Variants in GPR141 observed in about 807,000 individuals in gnomAD.
GPR141 encodes probable G protein-coupled receptor 141.
In GPR141, 6 loss-of-function variants were observed where a neutral mutation model predicts 6.8. That is an observed-to-expected ratio of 0.88 (90% CI 0.48 to 1.74). The LOEUF is 1.74. Among genes scored for constraint, GPR141 ranks in the 40% most tolerant of loss-of-function variants. The pLI is 0.01. For synonymous variants in GPR141, 140 were observed against 142.3 expected (o/e 0.98, Z 0.11); for missense variants, 372 against 372.9 (o/e 1.00, Z 0.02).
intron 2 of GPR141, among the ~76,000 whole-genome samples, chr7:37,718,281 A>G (rs1276897619): frequency 2.0e-5 from 3 of 152,146 alleles, no homozygotes; most frequent in East Asian, 3.9e-4. Context: ...GGCTGATGTG[A>G]GAGGATCACT....
At chr7:37,711,556 T>C (rs1050733713) in intron 2 of GPR141, among the ~76,000 whole-genome samples, 1 of 152,172 alleles carries the variant, frequency 6.6e-6, no homozygotes, top group Non-Finnish European at 1.5e-5. Context: ...TCATCATAGG[T>C]TCATTCCTTT....
chr7:37,706,768 C>A (rs1810542228), intron 2 of GPR141, among the ~76,000 whole-genome samples: 1 of 152,148 alleles, frequency 6.6e-6, no homozygotes, highest in African/African-American at 2.4e-5. Context: ...ATATCATTGC[C>A]TCTCTATATG....
At chr7:37,725,388 C>A (rs570648599) in intron 2 of GPR141, among the ~76,000 whole-genome samples, 8 of 152,136 alleles carry the variant, frequency 5.3e-5, no homozygotes, top group Non-Finnish European at 1.0e-4. Context: ...ATCAGAGGGA[C>A]CAGGCCTGCG....
intron 2 of GPR141, among the ~76,000 whole-genome samples, chr7:37,712,564 C>T (rs1810854256): frequency 6.6e-6 from 1 of 152,080 alleles, no homozygotes; most frequent in Non-Finnish European, 1.5e-5. Context: ...TCAAGAACAC[C>T]AGGTCATGAA....
intron 2 of GPR141, among the ~76,000 whole-genome samples, chr7:37,691,287 C>A (rs931509503): frequency 3.2e-5 from 3 of 93,670 alleles, no homozygotes; most frequent in South Asian, 4.1e-4. Context: ...CAGTCTATAT[C>A]CTTTTTTTTT....
At chr7:37,719,693 G>T (rs184253111) in intron 2 of GPR141, among the ~76,000 whole-genome samples, 1 of 152,332 alleles carries the variant, frequency 6.6e-6, no homozygotes, top group East Asian at 1.9e-4. Context: ...TTCATAGGCA[G>T]CTGAGCAGAA....
intron 2 of GPR141, among the ~76,000 whole-genome samples, chr7:37,703,096 A>T (rs2131763166): frequency 6.6e-6 from 1 of 152,218 alleles, no homozygotes; most frequent in South Asian, 2.1e-4. Flanking sequence ...TTTCATTTGT[A>T]TAAAAGGTCT....
At chr7:37,695,149 C>CCT (rs1809957922) in intron 2 of GPR141, among the ~76,000 whole-genome samples, 1 of 152,226 alleles carries the variant, frequency 6.6e-6, no homozygotes, top group African/African-American at 2.4e-5. Context: ...TCCACTGCTG[C>CCT]TTGGTCTCCA....
intron 2 of GPR141, among the ~76,000 whole-genome samples, chr7:37,720,275 C>T (rs948592792): frequency 1.1e-4 from 16 of 152,036 alleles, no homozygotes; most frequent in South Asian, 2.1e-4. Flanking sequence ...GGGCACAGGG[C>T]GGCAGGCACT....
intron 2 of GPR141, among the ~76,000 whole-genome samples, chr7:37,688,144 A>G (rs1182435245): frequency 6.6e-6 from 1 of 152,094 alleles, no homozygotes; most frequent in Non-Finnish European, 1.5e-5. Flanking sequence ...TTTAAAAACT[A>G]CTATGTAGTA....
chr7:37,738,216 C>T (rs899059835), intron 2 of GPR141, among the ~76,000 whole-genome samples: 2 of 152,148 alleles, frequency 1.3e-5, no homozygotes, highest in Non-Finnish European at 2.9e-5. Flanking sequence ...AAAGTACAGG[C>T]AAGGATGTAG....
chr7:37,734,065 G>A (rs192947407), intron 2 of GPR141, among the ~76,000 whole-genome samples: 40 of 151,976 alleles, frequency 2.6e-4, no homozygotes, highest in African/African-American at 8.4e-4. Context: ...CCTAGCTACT[G>A]GGAAGGCTGA....
At chr7:37,719,497 T>C (rs1259075776) in intron 2 of GPR141, among the ~76,000 whole-genome samples, 1 of 152,232 alleles carries the variant, frequency 6.6e-6, no homozygotes, top group African/African-American at 2.4e-5. Flanking sequence ...TTGTATTTAA[T>C]AATTGACAGA....
rs1812495858 is a variant in GPR141, at chr7:37,740,651, C to G, written c.258C>G (p.Pro86=). The change falls in exon 3 of 3, where the codon CCC becomes CCG. Residue 86 remains proline, a synonymous_variant. Transcript: ENST00000334425. ...LIKKTWMFGL[P]FCKFVSAMLH... is the part of the protein sequence containing the mutation. ...AGAAGACTTGGATGTTTGGGCTGCC[C>G]TTCTGCAAATTTGTGAGTGCCATGC... 6.2e-7 allele frequency: 1 copy of G among 1,613,984 alleles called. No individual in the cohort carries two copies. Among genetic ancestry groups the G allele is most frequent in the African/African-American group, 1.3e-5 (1 of 74,896 alleles).
chr7:37,731,886 C>T (rs551143332), intron 2 of GPR141, among the ~76,000 whole-genome samples: 1 of 152,168 alleles, frequency 6.6e-6, no homozygotes, highest in African/African-American at 2.4e-5. Context: ...CTAGTTCTTG[C>T]TTTGCTTTTA....
chr7:37,727,366 T>C (rs1811687130), intron 2 of GPR141, among the ~76,000 whole-genome samples: 1 of 152,220 alleles, frequency 6.6e-6, no homozygotes, highest in African/African-American at 2.4e-5. Context: ...TTGACCTTTT[T>C]TGCTTCTATC....
chr7:37,720,706 A>G (rs935897546), intron 2 of GPR141, among the ~76,000 whole-genome samples: 2 of 148,666 alleles, frequency 1.3e-5, no homozygotes, highest in Admixed American at 1.4e-4. Context: ...GCGCCACTGC[A>G]CTCCAGGCTG....
intron 2 of GPR141, among the ~76,000 whole-genome samples, chr7:37,696,803 C>T (rs894314879): frequency 1.3e-5 from 2 of 152,042 alleles, no homozygotes; most frequent in Admixed American, 6.6e-5. Context: ...GTTAAACAAT[C>T]GTCACATTAA....
At chr7:37,725,918 A>G (rs1443364821) in intron 2 of GPR141, among the ~76,000 whole-genome samples, 1 of 151,734 alleles carries the variant, frequency 6.6e-6, no homozygotes, top group Non-Finnish European at 1.5e-5. Flanking sequence ...CAAGCCATAC[A>G]TGCAACTTTG....
Sources: allele counts gnomAD v4.1 joint callset (sites outside exome capture counted in the v4.1 genomes callset), GRCh38; gene constraint gnomAD v4.1.1; transcripts MANE v1.5; gene names NCBI Gene and HGNC (gene_info 2026-07-23, HGNC 2026-07-21).